SSBP2: variants seen among roughly 807,000 people sequenced by gnomAD.
SSBP2 encodes single-stranded DNA-binding protein 2.
A neutral mutation model predicts 61.8 loss-of-function variants in SSBP2; 17 were observed. The observed-to-expected ratio is 0.28, with a 90% CI of 0.19 to 0.41. SSBP2 has a LOEUF of 0.41. SSBP2 is among the 10% of genes least tolerant of loss of function. The pLI is 1.00. For missense variants in SSBP2, 310 were observed against 458.7 expected, an observed-to-expected ratio of 0.68 and a Z score of 2.96; for synonymous variants, 139 against 141.3, an observed-to-expected ratio of 0.98 and a Z score of 0.12.
At chr5:81,505,007 T>C (rs1443313467) in intron 5 of SSBP2, among the ~76,000 whole-genome samples, 1 of 152,190 alleles carries the variant, frequency 6.6e-6, no homozygotes, top group Non-Finnish European at 1.5e-5. Flanking sequence ...CTCCCAGGAC[T>C]CTCGTATTAG....
intron 5 of SSBP2, among the ~76,000 whole-genome samples, chr5:81,501,273 ACACACACACATGCACATACACC>A (rs1767734450): frequency 3.2e-5 from 2 of 63,236 alleles, no homozygotes; most frequent in Non-Finnish European, 5.7e-5. Context: ...ATATATACAC[ACACACACACATGCACATACACC>A]CACACACATG....
chr5:81,657,264 C>T (rs192811291), intron 1 of SSBP2, among the ~76,000 whole-genome samples: 1 of 152,146 alleles, frequency 6.6e-6, no homozygotes, highest in African/African-American at 2.4e-5. Flanking sequence ...GAAAGCCAAA[C>T]AATTTATAAT....
At chr5:81,579,314 A>T (rs1055107014) in intron 4 of SSBP2, among the ~76,000 whole-genome samples, 1 of 152,040 alleles carries the variant, frequency 6.6e-6, no homozygotes, top group Non-Finnish European at 1.5e-5. Flanking sequence ...ACATGGCAGA[A>T]TGACATCCAA....
chr5:81,677,555 G>A (rs1204425997), intron 1 of SSBP2, among the ~76,000 whole-genome samples: 1 of 152,134 alleles, frequency 6.6e-6, no homozygotes, highest in Non-Finnish European at 1.5e-5. Flanking sequence ...TACTGGAGAG[G>A]CCTCCACACT....
intron 4 of SSBP2, among the ~76,000 whole-genome samples, chr5:81,603,247 C>A (rs1157741140): frequency 6.6e-6 from 1 of 152,218 alleles, no homozygotes; most frequent in African/African-American, 2.4e-5. Flanking sequence ...ACTCAGGTGG[C>A]TAGTGCCTAG....
intron 1 of SSBP2, among the ~76,000 whole-genome samples, chr5:81,659,337 T>A (rs1473925952): frequency 6.6e-6 from 1 of 152,132 alleles, no homozygotes; most frequent in Non-Finnish European, 1.5e-5. Context: ...ACAAAATCAA[T>A]GTGCAAAAAT....
chr5:81,594,107 A>C (rs140310357), intron 4 of SSBP2, among the ~76,000 whole-genome samples: 13,168 of 152,246 alleles, frequency 0.086, 611 homozygotes, highest in Admixed American at 0.11. Flanking sequence ...ATCTCACGTG[A>C]AGAGACACAC....
At chr5:81,672,838 T>C (rs999836509) in intron 1 of SSBP2, among the ~76,000 whole-genome samples, 2 of 151,634 alleles carry the variant, frequency 1.3e-5, no homozygotes, top group African/African-American at 4.8e-5. Context: ...CCTCCCAAAG[T>C]GCTGGGATTA....
At chr5:81,673,917 C>A (rs977299732) in intron 1 of SSBP2, among the ~76,000 whole-genome samples, 1 of 152,100 alleles carries the variant, frequency 6.6e-6, no homozygotes, top group Non-Finnish European at 1.5e-5. Context: ...ATAGAAGTGT[C>A]CAATCAATGA....
intron 4 of SSBP2, among the ~76,000 whole-genome samples, chr5:81,521,944 T>C (rs1386448023): frequency 6.6e-6 from 1 of 152,008 alleles, no homozygotes; most frequent in African/African-American, 2.4e-5. Flanking sequence ...ATTGGTATCA[T>C]GGGAAACTAG....
intron 4 of SSBP2, among the ~76,000 whole-genome samples, chr5:81,592,994 T>C (rs888324831): frequency 3.3e-5 from 5 of 152,094 alleles, no homozygotes; most frequent in Admixed American, 3.3e-4. Flanking sequence ...GGACGGAGAA[T>C]GACTTTGACG....
intron 5 of SSBP2, among the ~76,000 whole-genome samples, chr5:81,493,117 AG>A (rs1766984360): frequency 1.3e-5 from 2 of 152,008 alleles, no homozygotes; most frequent in South Asian, 4.1e-4. Flanking sequence ...GTCAGATTAA[AG>A]GTCAATTAGG....
At chr5:81,733,215 T>C (rs909519361) in intron 1 of SSBP2, among the ~76,000 whole-genome samples, 1 of 152,114 alleles carries the variant, frequency 6.6e-6, no homozygotes. Flanking sequence ...GAAAAAAATA[T>C]GAAGGCTCCA....
intron 4 of SSBP2, among the ~76,000 whole-genome samples, chr5:81,612,927 T>C (rs1432659235): frequency 6.6e-6 from 1 of 152,060 alleles, no homozygotes; most frequent in East Asian, 1.9e-4. Flanking sequence ...AACTATTATA[T>C]TTACATGTTA....
intron 5 of SSBP2, among the ~76,000 whole-genome samples, chr5:81,497,627 A>C (rs1767388323): frequency 6.6e-6 from 1 of 152,196 alleles, no homozygotes; most frequent in South Asian, 2.1e-4. Context: ...CTGCTCGCTT[A>C]AATAGGATAA....
intron 1 of SSBP2, among the ~76,000 whole-genome samples, chr5:81,702,009 C>A (rs1392487668): frequency 3.9e-5 from 6 of 152,236 alleles, no homozygotes; most frequent in African/African-American, 1.4e-4. Flanking sequence ...TAGGGATTAT[C>A]TGAAACAAAG....
rs927863117 is a variant in SSBP2 at position 81,693,722 on chromosome 5, T to C, written c.63-43383A>G. The stretch of plus-strand genomic sequence containing the variant: ...TGGAGAAAAGGGAACCCTCGTACAT[T>C]GTTGGTGGGAATATAAATTAGTACA... On this transcript the variant is annotated intron_variant, in intron 1 of 16. Transcript: ENST00000320672. Among the ~76,000 whole-genome samples, 3 of 152,318 alleles carry C rather than the reference T, an allele frequency of 2.0e-5. No individual in the cohort carries two copies. In the Middle Eastern group the frequency reaches 0.01, roughly 518 times the overall value.
chr5:81,433,307 C>A lies in SSBP2; in HGVS notation c.957+4123G>T, dbSNP rs1374093461. ...GGGATCCTGTTGATCTATGACCTTA[C>A]CCCCAACCCTGTGCTCTCTGAAACA... On this transcript the variant is annotated intron_variant, in intron 15 of 16. Coordinates refer to ENST00000320672, the MANE Select transcript of SSBP2 (RefSeq NM_012446.5). Among the ~76,000 whole-genome samples the A allele has an allele frequency of 5.9e-5, 9 of 152,128 alleles. No homozygotes were observed. In the East Asian group the frequency reaches 1.7e-3, roughly 29 times the overall value.
chr5:81,608,893 A>T (rs1209313281), intron 4 of SSBP2, among the ~76,000 whole-genome samples: 1 of 152,160 alleles, frequency 6.6e-6, no homozygotes, highest in East Asian at 1.9e-4. Context: ...TCAGGCAATG[A>T]TTTGGAAGTT....
Sources: gnomAD v4.1 joint callset for allele counts (sites outside exome capture counted in the v4.1 genomes callset) on GRCh38, gnomAD v4.1.1 for gene constraint, MANE v1.5 for transcripts, NCBI Gene and HGNC (gene_info 2026-07-23, HGNC 2026-07-21) for gene names.